The following STX18 variants were observed in gnomAD, a reference collection of about 807,000 sequenced individuals.
The protein encoded by STX18 is syntaxin-18.
Under a neutral mutation model 50.1 loss-of-function variants are expected in STX18, and 40 were observed. That is an observed-to-expected ratio of 0.80 (90% CI 0.62 to 1.04). STX18 has a LOEUF of 1.04. Ranked by LOEUF, STX18 falls within the 50% of genes least tolerant of loss-of-function variation. The probability of loss-of-function intolerance (pLI) is 0.00; values close to 1 mark genes in which losing one functional copy is unlikely to be tolerated. For missense variants in STX18, 410 were observed against 415.8 expected (o/e 0.99, Z 0.12); for synonymous variants, 158 against 151.8 (o/e 1.04, Z -0.30).
intron 1 of STX18, among the ~76,000 whole-genome samples, chr4:4,532,159 G>A (rs1385783980): frequency 6.6e-6 from 1 of 151,996 alleles, no homozygotes; most frequent in Admixed American, 6.5e-5. Flanking sequence ...ATATGGAGAG[G>A]GATTACATAA....
At chr4:4,423,480 A>C in intron 9 of STX18, 38 bp downstream of exon 9, 1 of 1,600,336 alleles carries the variant, frequency 6.2e-7, no homozygotes. Flanking sequence ...TTCCCCTTTG[A>C]GTGAAAACAT....
chr4:4,493,915 C>T (rs987482795), intron 1 of STX18, among the ~76,000 whole-genome samples: 2 of 152,152 alleles, frequency 1.3e-5, no homozygotes, highest in African/African-American at 4.8e-5. Context: ...GAAAGAGGTT[C>T]GTGGGCTTTC....
intron 5 of STX18, among the ~76,000 whole-genome samples, chr4:4,454,258 T>G (rs1726947590): frequency 6.6e-6 from 1 of 152,226 alleles, no homozygotes; most frequent in African/African-American, 2.4e-5. Context: ...CATCATTATT[T>G]CCCTCAAGGT....
intron 2 of STX18, among the ~76,000 whole-genome samples, chr4:4,462,409 C>T (rs1727427122): frequency 6.6e-6 from 1 of 152,222 alleles, no homozygotes; most frequent in Non-Finnish European, 1.5e-5. Context: ...TATTCATTCA[C>T]ATGATAAATA....
chr4:4,442,351 C>T (rs1275699829), intron 5 of STX18, among the ~76,000 whole-genome samples: 2 of 151,876 alleles, frequency 1.3e-5, no homozygotes, highest in Non-Finnish European at 2.9e-5. Context: ...GAACTGGGTG[C>T]GGTGGCTCAC....
intron 1 of STX18, among the ~76,000 whole-genome samples, chr4:4,492,778 C>G (rs1728999093): frequency 1.3e-5 from 2 of 152,120 alleles, no homozygotes; most frequent in Admixed American, 1.3e-4. Flanking sequence ...GTCAACAATG[C>G]TCTGCTTAGC....
intron 1 of STX18, among the ~76,000 whole-genome samples, chr4:4,491,986 C>T (rs1238285248): frequency 1.3e-5 from 2 of 151,932 alleles, no homozygotes; most frequent in South Asian, 2.1e-4. Flanking sequence ...GGTCTATTTC[C>T]TGTAATTTTA....
intron 1 of STX18, among the ~76,000 whole-genome samples, chr4:4,491,764 C>G (rs1041820018): frequency 6.6e-6 from 1 of 152,056 alleles, no homozygotes; most frequent in South Asian, 2.1e-4. Flanking sequence ...AGGGATCTAG[C>G]GCAGCCACAG....
chr4:4,528,045 C>T (rs1730881720), intron 1 of STX18, among the ~76,000 whole-genome samples: 2 of 151,930 alleles, frequency 1.3e-5, no homozygotes, highest in South Asian at 4.1e-4. Flanking sequence ...TCATCCTAAC[C>T]CCCAGGATGC....
At chr4:4,497,198 C>T (rs928943682) in intron 1 of STX18, among the ~76,000 whole-genome samples, 2 of 152,156 alleles carry the variant, frequency 1.3e-5, no homozygotes, top group Admixed American at 6.5e-5. Context: ...TACAAGGTCT[C>T]CTTGGTATGG....
At position 4,420,397 on chromosome 4, in the gene STX18, G is replaced by A. The variant is rs1013454008; in HGVS notation, c.913-268C>T. The A allele has an allele frequency of 1.3e-5, 6 of 475,724 alleles. No homozygotes were observed. Among genetic ancestry groups the A allele is most frequent in the African/African-American group, 1.2e-4 (6 of 51,310 alleles). 29.5% of individuals were successfully genotyped at this position (475,724 alleles called of 1,614,324 possible). A position where few individuals can be genotyped will look rare whatever the true frequency, so the allele number is the denominator to read the frequency against. ...TCACTCCCTTCTGTCCCAGGGTTAA[G>A]GGCCCCGAGCAGAGTGTGACCGCAA... On this transcript the variant is annotated intron_variant, in intron 10 of 10. Coordinates refer to ENST00000306200, the MANE Select transcript of STX18 (RefSeq NM_016930.4). The surrounding 1 kb of genome is among the most constrained non-coding windows in gnomAD (Gnocchi z 4.3).
intron 9 of STX18, among the ~76,000 whole-genome samples, chr4:4,422,580 A>G (rs1427218277): frequency 3.3e-5 from 5 of 151,642 alleles, no homozygotes; most frequent in Non-Finnish European, 5.9e-5. Context: ...AAAAAAAAAA[A>G]AAAGAAAAAG....
chr4:4,462,346 C>T (rs111438986), intron 2 of STX18, among the ~76,000 whole-genome samples: 269 of 152,278 alleles, frequency 1.8e-3, no homozygotes, highest in Non-Finnish European at 3.0e-3. Flanking sequence ...TTAATCCTCA[C>T]GAGAACATCA....
chr4:4,424,575 T>C (rs1725147822), intron 8 of STX18, among the ~76,000 whole-genome samples: 1 of 152,150 alleles, frequency 6.6e-6, no homozygotes, highest in Admixed American at 6.5e-5. Context: ...TCAGGCTGTG[T>C]GAGTGCAGCA....
At position 4,457,276 on chromosome 4, in the gene STX18, C is replaced by A. The variant is rs1727130680; in HGVS notation, c.431-19G>T. Reference sequence around the variant, plus strand: ...CATACTCCTGTTGCAGAAGAAAATACCAGAAGAGAGACTGCTTAAAACAGC... The same window carrying A: ...CATACTCCTGTTGCAGAAGAAAATAACAGAAGAGAGACTGCTTAAAACAGC... On this transcript the variant is annotated intron_variant, in intron 4 of 10. Coordinates refer to ENST00000306200, the MANE Select transcript of STX18 (RefSeq NM_016930.4). 10 of 1,612,234 alleles carry A rather than the reference C, an allele frequency of 6.2e-6. No homozygotes were observed. Among genetic ancestry groups the A allele is most frequent in the Non-Finnish European group, 7.6e-6 (9 of 1,178,420 alleles).
chr4:4,527,817 T>A (rs927635385), intron 1 of STX18, among the ~76,000 whole-genome samples: 5 of 147,390 alleles, frequency 3.4e-5, no homozygotes, highest in Non-Finnish European at 7.5e-5. Flanking sequence ...TTTATATATA[T>A]ATAATTTTAT....
At chr4:4,468,574 C>G (rs562256022) in intron 2 of STX18, among the ~76,000 whole-genome samples, 2 of 152,044 alleles carry the variant, frequency 1.3e-5, no homozygotes, top group Non-Finnish European at 2.9e-5. Flanking sequence ...CGGTGAGCAG[C>G]CAAGCCTGGG....
At chr4:4,424,911 A>G (rs1229723265) in intron 8 of STX18, among the ~76,000 whole-genome samples, 1 of 152,068 alleles carries the variant, frequency 6.6e-6, no homozygotes. Context: ...TCACTCCTGT[A>G]TCTCTCGGGG....
chr4:4,498,714 T>C (rs991636533), intron 1 of STX18, among the ~76,000 whole-genome samples: 7 of 152,200 alleles, frequency 4.6e-5, no homozygotes, highest in Non-Finnish European at 8.8e-5. Context: ...TAATAAAAAA[T>C]AGATTATATT....
Sources: gnomAD v4.1 joint callset for allele counts (sites outside exome capture counted in the v4.1 genomes callset) on GRCh38, gnomAD v4.1.1 for gene constraint, Gnocchi (gnomAD v3.1) non-coding constraint, MANE v1.5 for transcripts, NCBI Gene and HGNC (gene_info 2026-07-23, HGNC 2026-07-21) for gene names.